The following CEP63 variants were observed in gnomAD, a reference collection of about 807,000 sequenced individuals.
CEP63 encodes the protein centrosomal protein of 63 kDa.
Under a neutral mutation model 89.1 loss-of-function variants are expected in CEP63, and 84 were observed. The observed-to-expected ratio is 0.94, with a 90% CI of 0.79 to 1.13. The LOEUF (loss-of-function observed/expected upper bound fraction) is 1.13. Ranked by LOEUF, CEP63 falls within the 50% of genes most tolerant of loss-of-function variation. The pLI is 0.00. For synonymous variants in CEP63, 267 were observed against 272.5 expected (o/e 0.98, Z 0.20); for missense variants, 838 against 813.3 (o/e 1.03, Z -0.37).
the CEP63 span, among the ~76,000 whole-genome samples, chr3:134,746,450 C>G: frequency 6.6e-6 from 1 of 152,330 alleles, no homozygotes; most frequent in Middle Eastern, 3.4e-3. Flanking sequence ...AATGGGACCA[C>G]TGGGTCAAAT....
chr3:134,529,892 T>TA (rs1949510822), intron 3 of CEP63, among the ~76,000 whole-genome samples: 1 of 148,772 alleles, frequency 6.7e-6, no homozygotes, highest in Non-Finnish European at 1.5e-5. Flanking sequence ...TTTTTTTTTT[T>TA]AGACGGGGTC....
At chr3:134,728,467 A>G in the CEP63 span, among the ~76,000 whole-genome samples, 2 of 152,220 alleles carry the variant, frequency 1.3e-5, no homozygotes, top group Non-Finnish European at 2.9e-5. Flanking sequence ...TATCACCCAA[A>G]TGCTCAACAA....
intron 5 of CEP63, chr3:134,535,383 A>G (rs532550071): frequency 6.7e-6 from 1 of 149,680 alleles, no homozygotes; most frequent in African/African-American, 2.5e-5. Context: ...CTCCTTAACC[A>G]CTTTCTTGAC....
In CEP63 at chr3:134,560,346, C is replaced by G. The variant is rs554465824; in HGVS notation, c.1953+917C>G. Among the ~76,000 whole-genome samples, 4 of 152,342 alleles carry G rather than the reference C, an allele frequency of 2.6e-5. No homozygotes were observed. In the South Asian group the frequency reaches 8.3e-4, roughly 32 times the overall value. On this transcript the variant is annotated intron_variant, in intron 14 of 14. Transcript: ENST00000675561. Reference sequence around the variant, plus strand: ...TTGTATTTGTGAATTTGTCTACTCCCTAAACTTTATCTGTAACTCCCAAAT... The same window carrying G: ...TTGTATTTGTGAATTTGTCTACTCCGTAAACTTTATCTGTAACTCCCAAAT...
the CEP63 span, among the ~76,000 whole-genome samples, chr3:134,758,032 A>G: frequency 2.0e-5 from 3 of 152,158 alleles, no homozygotes; most frequent in Non-Finnish European, 4.4e-5. Context: ...TCTCCTGAAA[A>G]TCATCACGAT....
chr3:134,758,082 A>G, the CEP63 span, among the ~76,000 whole-genome samples: 1 of 152,162 alleles, frequency 6.6e-6, no homozygotes, highest in Non-Finnish European at 1.5e-5. Flanking sequence ...GATAGAACTG[A>G]TAATTATTAT....
At chr3:134,711,018 C>T in the CEP63 span, among the ~76,000 whole-genome samples, 13 of 152,092 alleles carry the variant, frequency 8.5e-5, no homozygotes, top group African/African-American at 1.9e-4. Flanking sequence ...CTGTGCCCGG[C>T]CTATCCATTG....
chr3:134,730,958 G>C, the CEP63 span, among the ~76,000 whole-genome samples: 1 of 152,040 alleles, frequency 6.6e-6, no homozygotes, highest in Non-Finnish European at 1.5e-5. Flanking sequence ...AAAGATATTT[G>C]CCAGGTAAAA....
the CEP63 span, chr3:134,650,970 T>G: frequency 6.2e-7 from 1 of 1,612,796 alleles, no homozygotes; most frequent in African/African-American, 1.3e-5. Context: ...TGATGCCGCC[T>G]CCTTTCCGAC....
exon 12 of CEP63, chr3:134,574,912 A>G (rs1240038995): frequency 4.0e-6 from 2 of 497,452 alleles, no homozygotes; most frequent in Non-Finnish European, 3.6e-6. Flanking sequence ...CTGGCAGTTA[A>G]GAATTTTAAC....
Position 134,546,233 on chromosome 3 carries a change from A to G in CEP63, c.874A>G (p.Lys292Glu). 1.2e-6 allele frequency: 2 copies of G among 1,613,902 alleles called. No individual in the cohort carries two copies. Among genetic ancestry groups the G allele is most frequent in the Non-Finnish European group, 1.7e-6 (2 of 1,179,852 alleles). The change falls in exon 8 of 15, where the codon AAG becomes GAG. Residue 292 changes from lysine to glutamate, a missense_variant. By Grantham distance (56) the Lys-to-Glu change is moderately conservative. Transcript: ENST00000675561. The part of the protein sequence containing the change: ...LIHEARIQKE[K>E]LQEKVKATNT... ...ACATGAGGCCAGAATACAAAAGGAG[A>G]AGTTACAAGAAAAAGTAAAGGCAAC...
At chr3:134,658,916 C>A in the CEP63 span, among the ~76,000 whole-genome samples, 2 of 152,314 alleles carry the variant, frequency 1.3e-5, no homozygotes, top group South Asian at 4.1e-4. Flanking sequence ...TATGTCTCTT[C>A]CTGATCAGTT....
At chr3:134,545,927 T>G in intron 7 of CEP63, 108 bp downstream of exon 7, 1 of 895,488 alleles carries the variant, frequency 1.1e-6, no homozygotes, top group Non-Finnish European at 1.7e-6. Flanking sequence ...TTCCCTACTT[T>G]ATAAATGATG....
At chr3:134,538,737 G>A (rs999259085) in intron 6 of CEP63, among the ~76,000 whole-genome samples, 14 of 151,204 alleles carry the variant, frequency 9.3e-5, no homozygotes, top group African/African-American at 2.9e-4. Flanking sequence ...TTATATTCTA[G>A]TTGTAGCCTT....
intron 13 of CEP63, 111 bp downstream of exon 13, chr3:134,558,458 T>C (rs1956705210): frequency 1.2e-6 from 1 of 817,572 alleles, no homozygotes; most frequent in Non-Finnish European, 2.0e-6. Context: ...AAGGACTCTA[T>C]GTTTAATTCT....
Position 134,507,991 on chromosome 3 carries a change from G to T in CEP63, c.222+705G>T, listed in dbSNP as rs79025215. The stretch of plus-strand genomic sequence containing the variant: ...AATCTCAGAAGGATTGGAAGAGTTA[G>T]AGTTATAGGGGAGCACTGGTCCCAT... On this transcript the variant is annotated intron_variant, in intron 3 of 14. Transcript: ENST00000675561. Among the ~76,000 whole-genome samples the T allele has an allele frequency of 3.4e-3, 513 of 152,288 alleles. 7 individuals are homozygous for T. Among genetic ancestry groups the T allele is most frequent in the African/African-American group, 0.012 (495 of 41,552 alleles).
At chr3:134,643,514 C>A in the CEP63 span, 2 of 665,786 alleles carry the variant, frequency 3.0e-6, no homozygotes, top group Non-Finnish European at 5.3e-6. Context: ...TGTGTGCACA[C>A]CCTCACAGTG....
the CEP63 span, among the ~76,000 whole-genome samples, chr3:134,665,738 GAGAC>G: frequency 2.6e-5 from 4 of 151,566 alleles, no homozygotes; most frequent in African/African-American, 7.3e-5. Context: ...GGGACAGAGC[GAGAC>G]AGACAGAGAC....
At chr3:134,754,174 C>T in the CEP63 span, among the ~76,000 whole-genome samples, 3 of 152,184 alleles carry the variant, frequency 2.0e-5, no homozygotes, top group Admixed American at 6.5e-5. Context: ...ATCACACACA[C>T]GGTGATGGGG....
Sources: gnomAD v4.1 joint callset for allele counts (sites outside exome capture counted in the v4.1 genomes callset) on GRCh38, gnomAD v4.1.1 for gene constraint, MANE v1.5 for transcripts, NCBI Gene and HGNC (gene_info 2026-07-23, HGNC 2026-07-21) for gene names.